The following STK3 variants were observed in gnomAD, a reference collection of about 807,000 sequenced individuals.
STK3 encodes serine/threonine-protein kinase 3.
In STK3, 41 loss-of-function variants were observed where a neutral mutation model predicts 58.0. That is an observed-to-expected ratio of 0.71 (90% CI 0.55 to 0.92). The LOEUF (loss-of-function observed/expected upper bound fraction) is 0.92. STK3 is among the 40% of genes least tolerant of loss of function. STK3 has a pLI of 0.00. For synonymous variants in STK3, 170 were observed against 191.0 expected (o/e 0.89, Z 0.91); for missense variants, 479 against 602.7 (o/e 0.79, Z 2.15).
chr8:98,558,420 T>A (rs564837646), intron 8 of STK3, among the ~76,000 whole-genome samples: 2 of 152,132 alleles, frequency 1.3e-5, no homozygotes, highest in Non-Finnish European at 2.9e-5. Context: ...ATATAAGCAA[T>A]GTTTATGTTC....
At chr8:98,588,986 G>C (rs1814962458) in intron 7 of STK3, among the ~76,000 whole-genome samples, 1 of 147,044 alleles carries the variant, frequency 6.8e-6, no homozygotes, top group South Asian at 2.2e-4. Flanking sequence ...GGTTATTCTA[G>C]TTATACATTC....
chr8:98,941,619 G>A (rs2132069235), intron 1 of STK3, among the ~76,000 whole-genome samples: 1 of 152,386 alleles, frequency 6.6e-6, no homozygotes, highest in South Asian at 2.1e-4. Context: ...AGGGAAGTCT[G>A]TGTCTGACAC....
At chr8:98,629,516 G>A (rs1819014049) in intron 6 of STK3, among the ~76,000 whole-genome samples, 2 of 152,064 alleles carry the variant, frequency 1.3e-5, no homozygotes, top group Non-Finnish European at 2.9e-5. Context: ...TAATCTAGAG[G>A]GATCCAGGTA....
At chr8:98,533,399 AATAAT>A (rs1316554769) in intron 9 of STK3, among the ~76,000 whole-genome samples, 3 of 152,180 alleles carry the variant, frequency 2.0e-5, no homozygotes, top group Admixed American at 6.5e-5. Context: ...TAAACATGTG[AATAAT>A]ATAATTATTG....
intron 4 of STK3, among the ~76,000 whole-genome samples, chr8:98,712,546 C>T (rs1442455375): frequency 6.6e-6 from 1 of 151,370 alleles, no homozygotes; most frequent in Non-Finnish European, 1.5e-5. Flanking sequence ...AAGGCCATTA[C>T]ATAATGGTAA....
intron 1 of STK3, among the ~76,000 whole-genome samples, chr8:98,810,114 A>G (rs1389943245): frequency 6.6e-6 from 1 of 152,058 alleles, no homozygotes; most frequent in East Asian, 1.9e-4. Context: ...TCTCGTGAGA[A>G]CCCTATCACA....
chr8:98,876,100 G>A (rs1026878988), intron 3 of STK3, among the ~76,000 whole-genome samples: 5 of 152,196 alleles, frequency 3.3e-5, no homozygotes, highest in Non-Finnish European at 5.9e-5. Flanking sequence ...CAGGACCACT[G>A]CTCCCCATTC....
At chr8:98,647,224 G>A (rs966917698) in intron 6 of STK3, among the ~76,000 whole-genome samples, 3 of 151,932 alleles carry the variant, frequency 2.0e-5, no homozygotes, top group Admixed American at 6.6e-5. Flanking sequence ...ATACCTGCAA[G>A]CCTCTACTCA....
chr8:98,562,322 A>G (rs1037255517), intron 8 of STK3, among the ~76,000 whole-genome samples: 1 of 152,094 alleles, frequency 6.6e-6, no homozygotes, highest in Non-Finnish European at 1.5e-5. Context: ...CTGCAATGTA[A>G]TACTATTCAG....
At chr8:98,897,195 G>T (rs1238661184) in intron 1 of STK3, among the ~76,000 whole-genome samples, 4 of 152,130 alleles carry the variant, frequency 2.6e-5, no homozygotes, top group African/African-American at 9.7e-5. Context: ...GAGTTTGGTA[G>T]CTCCACAGTT....
chr8:98,864,086 CTA>C (rs772636149), intron 3 of STK3, among the ~76,000 whole-genome samples: 56 of 150,770 alleles, frequency 3.7e-4, no homozygotes, highest in Non-Finnish European at 5.9e-4. Context: ...GTAGTCCCAG[CTA>C]CTCCGGAGGC....
chr8:98,568,287 C>T (rs1812671343), intron 8 of STK3, among the ~76,000 whole-genome samples: 1 of 152,024 alleles, frequency 6.6e-6, no homozygotes, highest in Non-Finnish European at 1.5e-5. Context: ...AAAAGACAAA[C>T]AGCACAGGAA....
At chr8:98,631,251 C>T (rs1819205401) in intron 6 of STK3, among the ~76,000 whole-genome samples, 1 of 152,138 alleles carries the variant, frequency 6.6e-6, no homozygotes, top group South Asian at 2.1e-4. Flanking sequence ...CATACCATTC[C>T]TCTGCTCAAA....
intron 6 of STK3, among the ~76,000 whole-genome samples, chr8:98,677,536 G>A (rs1439095833): frequency 2.6e-5 from 4 of 152,108 alleles, no homozygotes; most frequent in South Asian, 2.1e-4. Flanking sequence ...GAAAGACAAA[G>A]GAGGAAGAGG....
At chr8:98,575,273 G>A (rs1406299577) in intron 8 of STK3, among the ~76,000 whole-genome samples, 2 of 151,788 alleles carry the variant, frequency 1.3e-5, no homozygotes, top group African/African-American at 4.8e-5. Flanking sequence ...TAAATTCTTT[G>A]GCAATTCTCC....
chr8:98,550,564 T>C (rs1411455481), intron 8 of STK3, among the ~76,000 whole-genome samples: 2 of 152,126 alleles, frequency 1.3e-5, no homozygotes, highest in Non-Finnish European at 2.9e-5. Flanking sequence ...ATTCCCTATA[T>C]ATGCATCAGT....
At chr8:98,698,150 T>C (rs1330335395) in intron 6 of STK3, among the ~76,000 whole-genome samples, 6 of 152,024 alleles carry the variant, frequency 3.9e-5, no homozygotes, top group Non-Finnish European at 7.4e-5. Flanking sequence ...TCTTTGTTGG[T>C]TTAAAGTCTG....
intron 9 of STK3, among the ~76,000 whole-genome samples, chr8:98,544,108 C>G (rs1194764233): frequency 2.0e-5 from 3 of 151,156 alleles, no homozygotes; most frequent in African/African-American, 7.3e-5. Flanking sequence ...GCAGAAGCAA[C>G]GAAATAATGA....
At chr8:98,708,732 T>C (rs1248200632) in intron 4 of STK3, among the ~76,000 whole-genome samples, 2 of 152,184 alleles carry the variant, frequency 1.3e-5, no homozygotes, top group African/African-American at 2.4e-5. Flanking sequence ...TTGGTCTTTG[T>C]AGGTTCTTGG....
Sources: gnomAD v4.1 joint callset for allele counts (sites outside exome capture counted in the v4.1 genomes callset) on GRCh38, gnomAD v4.1.1 for gene constraint, MANE v1.5 for transcripts, NCBI Gene and HGNC (gene_info 2026-07-23, HGNC 2026-07-21) for gene names.